Variants in AP1G1 observed in about 807,000 individuals in gnomAD.
AP1G1 encodes the protein adaptor related protein complex 1 subunit gamma 1.
In AP1G1, 7 loss-of-function variants were observed where a neutral mutation model predicts 108.3. That is an observed-to-expected ratio of 0.06 (90% CI 0.04 to 0.12). AP1G1 has a LOEUF of 0.12. AP1G1 is among the 10% of genes least tolerant of loss of function. The probability of loss-of-function intolerance (pLI) is 1.00; values close to 1 mark genes in which losing one functional copy is unlikely to be tolerated. For synonymous variants in AP1G1, 379 were observed against 353.5 expected, an observed-to-expected ratio of 1.07 and a Z score of -0.81; for missense variants, 756 against 1,010.7, an observed-to-expected ratio of 0.75 and a Z score of 3.42.
chr16:71,772,192 G>A (rs553084340), intron 4 of AP1G1, among the ~76,000 whole-genome samples: 105 of 151,368 alleles, frequency 6.9e-4, no homozygotes, highest in African/African-American at 1.8e-3. Flanking sequence ...GTACAATGGC[G>A]CAATGTCGGC....
In AP1G1 at chr16:71,789,440, T is replaced by C; in HGVS notation, c.40A>G (p.Ile14Val). The C allele has an allele frequency of 6.2e-7, 1 of 1,614,194 alleles. No homozygotes were observed. Among genetic ancestry groups the C allele is most frequent in the Non-Finnish European group, 8.5e-7 (1 of 1,180,042 alleles). Residue 14 changes from isoleucine (I) to valine (V), a missense_variant, in exon 2 of 23, where the codon ATC becomes GTC. Physicochemically the swap from Ile to Val is conservative, Grantham distance 29. This residue lies in a region of AP1G1 where 304 missense variants were observed against 483.6 expected (regional missense o/e 0.63). Transcript: ENST00000299980. ...PIRLRELIRT[I>V]RTARTQAEER... ...TCAGCTTGGGTTCGGGCTGTCCGGA[T>C]GGTCCGGATCAGCTCCCGCAATCTG...
intron 15 of AP1G1, among the ~76,000 whole-genome samples, chr16:71,748,630 G>A (rs1346129753): frequency 1.3e-5 from 2 of 152,034 alleles, no homozygotes; most frequent in Non-Finnish European, 2.9e-5. Context: ...ATGACCACTG[G>A]GGCTGAGAGG....
intron 10 of AP1G1, among the ~76,000 whole-genome samples, chr16:71,759,594 A>T (rs1429192690): frequency 6.6e-6 from 1 of 151,918 alleles, no homozygotes; most frequent in African/African-American, 2.4e-5. Flanking sequence ...CCACGTCTCT[A>T]CTAAAAATAC....
In AP1G1 at chr16:71,732,373, A is replaced by G. The variant is rs974100677; in HGVS notation, c.*685T>C. 1 of 152,638 alleles carries G rather than the reference A, an allele frequency of 6.6e-6. No individual in the cohort carries two copies. The highest frequency in any genetic ancestry group is 1.5e-5 in the Non-Finnish European group (1 of 68,040). 9.5% of individuals were successfully genotyped at this position (152,638 alleles called of 1,614,324 possible). ...CCAAATCTCAACAAAAGCTCTTTTT[A>G]ACTCCATCTGTCCAGTGTTTACAAA... On this transcript the variant is annotated 3_prime_UTR_variant, in exon 23 of 23. Coordinates refer to ENST00000299980, the MANE Select transcript of AP1G1 (RefSeq NM_001128.6).
rs149521525 is a variant in AP1G1, at chr16:71,803,754, G to A, written c.-4+5009C>T. ...AGCCTGGTCAACAGGGTGAAGCCCT[G>A]TCTCTACTAAAAATACAAAAATTAG... is the stretch of plus-strand genomic sequence containing the variant. On this transcript the variant is annotated intron_variant, in intron 1 of 22. Coordinates refer to ENST00000299980, the MANE Select transcript of AP1G1 (RefSeq NM_001128.6). Among the ~76,000 whole-genome samples the A allele has an allele frequency of 3.3e-5, 5 of 152,066 alleles. No homozygotes were observed. The East Asian group carries it at 5.8e-4, about 18-fold the overall frequency.
chr16:71,729,432 G>GAAAAAAA lies in AP1G1; in HGVS notation c.*3619_*3625dup, dbSNP rs61081595. On this transcript the variant is annotated 3_prime_UTR_variant, in exon 23 of 23. Coordinates refer to ENST00000299980, the MANE Select transcript of AP1G1 (RefSeq NM_001128.6). The stretch of plus-strand genomic sequence containing the variant: ...CGCAACCGCAGGTTCTTTGAGGGAA[G>GAAAAAAA]AAAAAAAAAAAAAAAAAAACCAACT... 2.2e-5 allele frequency: 2 copies of GAAAAAAA among 92,142 alleles called. No individual in the cohort carries two copies. The highest frequency in any genetic ancestry group is 1.1e-4 in the Admixed American group (1 of 8,940). 5.7% of individuals were successfully genotyped at this position (92,142 alleles called of 1,614,324 possible).
intron 2 of AP1G1, among the ~76,000 whole-genome samples, chr16:71,784,358 T>C (rs557446970): frequency 2.6e-5 from 4 of 152,340 alleles, no homozygotes; most frequent in African/African-American, 9.6e-5. Flanking sequence ...CTCTTCCATC[T>C]TGGCAATAAC....
intron 11 of AP1G1, among the ~76,000 whole-genome samples, chr16:71,757,082 C>T (rs1267865953): frequency 6.6e-6 from 1 of 152,120 alleles, no homozygotes; most frequent in Non-Finnish European, 1.5e-5. Context: ...CATGTAAAAG[C>T]TGTAAGGTTG....
At chr16:71,806,310 G>A (rs1182163902) in intron 1 of AP1G1, among the ~76,000 whole-genome samples, 2 of 152,134 alleles carry the variant, frequency 1.3e-5, no homozygotes, top group Admixed American at 1.3e-4. Context: ...ACTGATCAAT[G>A]GTGCACTAAA....
At chr16:71,753,726 A>T in intron 13 of AP1G1, 107 bp downstream of exon 13, 1 of 924,656 alleles carries the variant, frequency 1.1e-6, no homozygotes, top group Non-Finnish European at 1.7e-6. Context: ...CATTAATGTT[A>T]CCTATTTACT....
chr16:71,729,486 G>A lies in AP1G1; in HGVS notation c.*3572C>T, dbSNP rs1306498326. ...AGGCTCCATCTTGAAGCCAGAATCA[G>A]CCTCTTGGAAGTCTGTAAAGCAACT... On this transcript the variant is annotated 3_prime_UTR_variant, in exon 23 of 23. Transcript: ENST00000299980. 6.7e-6 allele frequency: 1 copy of A among 149,988 alleles called. No individual in the cohort carries two copies. The highest frequency in any genetic ancestry group is 1.5e-5 in the Non-Finnish European group (1 of 67,732). The allele number at this position is 149,988 out of a possible 1,614,324, so 9.3% of individuals were successfully genotyped here. A position where few individuals can be genotyped will look rare whatever the true frequency, so the allele number is the denominator to read the frequency against.
intron 2 of AP1G1, among the ~76,000 whole-genome samples, chr16:71,774,879 C>A (rs897494491): frequency 1.3e-5 from 2 of 151,710 alleles, no homozygotes; most frequent in Non-Finnish European, 2.9e-5. Flanking sequence ...AGCCACCATG[C>A]CTGGCTAATT....
At chr16:71,802,421 A>C (rs2032835610) in intron 1 of AP1G1, among the ~76,000 whole-genome samples, 1 of 152,110 alleles carries the variant, frequency 6.6e-6, no homozygotes, top group Non-Finnish European at 1.5e-5. Flanking sequence ...CAAAGACACC[A>C]CAACCCAGCT....
chr16:71,790,131 T>C (rs1400905586), intron 1 of AP1G1, among the ~76,000 whole-genome samples: 2 of 150,028 alleles, frequency 1.3e-5, no homozygotes, highest in Admixed American at 6.6e-5. Context: ...AAGGGACATA[T>C]AACAGCCTAA....
intron 1 of AP1G1, among the ~76,000 whole-genome samples, chr16:71,802,059 G>C (rs2032821443): frequency 6.6e-6 from 1 of 152,058 alleles, no homozygotes; most frequent in Non-Finnish European, 1.5e-5. Flanking sequence ...AAACATTTCT[G>C]GTCTCAAGCA....
chr16:71,786,051 C>T (rs1597079038), intron 2 of AP1G1, among the ~76,000 whole-genome samples: 1 of 152,150 alleles, frequency 6.6e-6, no homozygotes, highest in Non-Finnish European at 1.5e-5. Context: ...CTCATTGAAA[C>T]AGAGGAAACA....
Position 71,761,527 on chromosome 16 carries a change from T to C in AP1G1, c.959A>G (p.Asn320Ser), listed in dbSNP as rs779499602. ...GTTAACTTACCTAATATTCTTGTCA[T>C]TGTTCAATAAGAAACGACCCAGGAT... is the stretch of plus-strand genomic sequence containing the variant. ...INILGRFLLN[N>S]DKNIRYVALT... The change falls in exon 10 of 23, where the codon AAT (asparagine) becomes AGT (serine). Residue 320 changes from asparagine to serine, a missense_variant. Around this residue, in one of 3 missense-constraint regions of AP1G1, gnomAD observed 304 missense variants for 483.6 expected, o/e 0.63. Coordinates refer to ENST00000299980, the MANE Select transcript of AP1G1 (RefSeq NM_001128.6). 5 of 1,602,826 alleles carry C rather than the reference T, an allele frequency of 3.1e-6. No homozygotes were observed. In the African/African-American group the frequency reaches 5.4e-5, roughly 17 times the overall value.
chr16:71,802,449 G>A (rs1475371217), intron 1 of AP1G1, among the ~76,000 whole-genome samples: 1 of 152,064 alleles, frequency 6.6e-6, no homozygotes, highest in Non-Finnish European at 1.5e-5. Flanking sequence ...AAAATTTTGG[G>A]CCAGGCGCGG....
chr16:71,748,200 G>GT, intron 16 of AP1G1, 51 bp downstream of exon 16: 3 of 1,567,486 alleles, frequency 1.9e-6, no homozygotes, highest in Non-Finnish European at 2.6e-6. Flanking sequence ...GATTTTTTTT[G>GT]TTTTTTAATT....
Sources: gnomAD v4.1 joint callset for allele counts (sites outside exome capture counted in the v4.1 genomes callset) on GRCh38, gnomAD v4.1.1 for gene constraint, gnomAD v4.1.1 regional missense constraint, MANE v1.5 for transcripts, NCBI Gene and HGNC (gene_info 2026-07-23, HGNC 2026-07-21) for gene names.